Variants in RFFL observed in about 807,000 individuals in gnomAD.
The protein encoded by RFFL is E3 ubiquitin-protein ligase rififylin.
A neutral mutation model predicts 40.4 loss-of-function variants in RFFL; 16 were observed. The ratio of observed to expected loss-of-function variants is 0.40; its 90% confidence interval spans 0.27 to 0.60. RFFL has a LOEUF of 0.60. RFFL is among the 20% of genes least tolerant of loss of function. The probability of loss-of-function intolerance (pLI) is 0.47; values close to 1 mark genes in which losing one functional copy is unlikely to be tolerated. For synonymous variants in RFFL, 154 were observed against 167.9 expected, an observed-to-expected ratio of 0.92 and a Z score of 0.64; for missense variants, 367 against 451.7, an observed-to-expected ratio of 0.81 and a Z score of 1.70.
At chr17:35,066,092 C>T (rs115526291), upstream of RFFL, among the ~76,000 whole-genome samples, 2,256 of 152,204 alleles carry the variant, frequency 0.015, 71 homozygotes, top group African/African-American at 0.052. Context: ...CACTGCAATC[C>T]AGCCCAGGCG....
Position 35,026,515 on chromosome 17 carries a change from T to C in RFFL, c.39A>G (p.Gly13=). The C allele has an allele frequency of 1.9e-6, 3 of 1,611,568 alleles. No homozygotes were observed. The highest frequency in any genetic ancestry group is 2.5e-6 in the Non-Finnish European group (3 of 1,179,230). ...ATCCNWFCLD[G]QPEEVPPPQG... ...GGGGTGGTGGGACCTCCTCAGGCTG[T>C]CCATCCAGGCAGAACCAGTTGCAGC... is the stretch of plus-strand genomic sequence containing the variant. The change falls in exon 2 of 7, where the codon GGA becomes GGG. Residue 13 remains glycine, a synonymous_variant. Coordinates refer to ENST00000394597, the MANE Select transcript of RFFL (RefSeq NM_001017368.2).
intron 1 of RFFL, among the ~76,000 whole-genome samples, chr17:35,078,767 G>C (rs1367631284): frequency 6.6e-6 from 1 of 152,068 alleles, no homozygotes; most frequent in Non-Finnish European, 1.5e-5. Context: ...ATCGCTTTAG[G>C]TCAGGAGTTC....
chr17:35,040,856 T>C (rs1489588738), intron 1 of RFFL, among the ~76,000 whole-genome samples: 2 of 71,276 alleles, frequency 2.8e-5, no homozygotes, highest in East Asian at 7.4e-4. Context: ...TTTTTTTTTT[T>C]TTTTTTTTGG....
chr17:35,012,328 T>C (rs2090946229), intron 6 of RFFL, among the ~76,000 whole-genome samples, 179 bp from the exon 7 acceptor site: 1 of 152,210 alleles, frequency 6.6e-6, no homozygotes, highest in Non-Finnish European at 1.5e-5. Flanking sequence ...AATAACCAAC[T>C]CTGGTTACTT....
intron 1 of RFFL, among the ~76,000 whole-genome samples, chr17:35,040,841 C>CTAT (rs1452137424): frequency 1.6e-5 from 1 of 62,392 alleles, no homozygotes; most frequent in Non-Finnish European, 3.3e-5. Flanking sequence ...GCTTTAATGT[C>CTAT]TTTTTTTTTT....
At chr17:35,038,847 G>T (rs561829495) in intron 1 of RFFL, among the ~76,000 whole-genome samples, 1 of 152,130 alleles carries the variant, frequency 6.6e-6, no homozygotes, top group Non-Finnish European at 1.5e-5. Context: ...AAAATTCATC[G>T]AACTGTACAC....
At chr17:35,041,811 G>A (rs1346591895) in intron 1 of RFFL, among the ~76,000 whole-genome samples, 1 of 152,150 alleles carries the variant, frequency 6.6e-6, no homozygotes, top group Non-Finnish European at 1.5e-5. Flanking sequence ...GAGGTCAGGA[G>A]TTCAAGACCA....
At chr17:35,078,590 C>T (rs1405292501) in intron 1 of RFFL, among the ~76,000 whole-genome samples, 2 of 152,186 alleles carry the variant, frequency 1.3e-5, no homozygotes, top group African/African-American at 2.4e-5. Context: ...GCATGAGCCA[C>T]CAGGCCCGGC....
chr17:35,086,403 A>T (rs1318852079), intron 1 of RFFL, among the ~76,000 whole-genome samples: 1 of 151,970 alleles, frequency 6.6e-6, no homozygotes, highest in Non-Finnish European at 1.5e-5. Context: ...GCGTGAGCCC[A>T]GGAGGCAAGG....
Position 35,017,555 on chromosome 17 carries a change from C to T in RFFL, c.643G>A (p.Val215Met), listed in dbSNP as rs777354380. The change falls in exon 4 of 7, where the codon GTG (valine) becomes ATG (methionine). Residue 215 changes from valine (V) to methionine (M), a missense_variant. Val to Met is a conservative substitution (Grantham distance 21). Transcript: ENST00000394597. Reference protein sequence around the residue: ...DQEEPVYLESVARVPAEDETQ... With the variant: ...DQEEPVYLESMARVPAEDETQ... ...TCATCCTCAGCAGGTACTCTGGCCACGCTCTCCAGGTAGACGGGTTCCTCT... is the reference window on the plus strand; with the variant it reads ...TCATCCTCAGCAGGTACTCTGGCCATGCTCTCCAGGTAGACGGGTTCCTCT... 1.1e-5 allele frequency: 17 copies of T among 1,611,502 alleles called. No homozygotes were observed. Among genetic ancestry groups the T allele is most frequent in the Admixed American group, 3.3e-5 (2 of 59,738 alleles).
chr17:35,086,870 C>G (rs1356485069), intron 1 of RFFL, among the ~76,000 whole-genome samples: 1 of 152,116 alleles, frequency 6.6e-6, no homozygotes, highest in African/African-American at 2.4e-5. Context: ...GGAATTAGTC[C>G]CCCTAACAAC....
chr17:35,006,975 A>G lies in RFFL; in HGVS notation c.*4993T>C, dbSNP rs1188509595. On this transcript the variant is annotated 3_prime_UTR_variant, in exon 7 of 7. Transcript: ENST00000394597. ...AGGCACCATTCAGCCTTGCTTCAGT[A>G]TTAGGAATAAGATACTTTTTATTCC... The G allele has an allele frequency of 2.0e-5, 3 of 152,264 alleles. No individual in the cohort carries two copies. Among genetic ancestry groups the G allele is most frequent in the African/African-American group, 7.2e-5 (3 of 41,462 alleles). 9.4% of individuals were successfully genotyped at this position (152,264 alleles called of 1,614,324 possible).
chr17:35,082,813 T>A (rs1455606322), intron 1 of RFFL, among the ~76,000 whole-genome samples: 1 of 152,226 alleles, frequency 6.6e-6, no homozygotes, highest in Non-Finnish European at 1.5e-5. Context: ...GGTATTTTCA[T>A]CTTGCAGATG....
chr17:35,011,985 G>A lies in RFFL; in HGVS notation c.1075C>T (p.His359Tyr). The change falls in exon 7 of 7, where the codon CAT (histidine) becomes TAT (tyrosine). Residue 359 changes from histidine to tyrosine, a missense_variant. Physicochemically the swap from His to Tyr is moderately conservative, Grantham distance 83. Coordinates refer to ENST00000394597, the MANE Select transcript of RFFL (RefSeq NM_001017368.2). ...GCAAGCTCTCAGGACCGGAAGACAT[G>A]CACAGCTCGGATTACATACTGCCGG... ...ICRQYVIRAVHVFRS is the reference protein window; with the variant it reads ...ICRQYVIRAVYVFRS 6.2e-7 allele frequency: 1 copy of A among 1,614,144 alleles called. No individual in the cohort carries two copies. The highest frequency in any genetic ancestry group is 8.5e-7 in the Non-Finnish European group (1 of 1,179,998).
At chr17:35,018,429 C>A (rs997430917) in intron 3 of RFFL, among the ~76,000 whole-genome samples, 12 of 152,204 alleles carry the variant, frequency 7.9e-5, no homozygotes, top group African/African-American at 2.9e-4. Context: ...AACTGTTAGC[C>A]TCCTAATTCC....
In RFFL at chr17:35,056,447, G is replaced by A. The variant is rs566138483; in HGVS notation, c.-9+7129C>T. Among the ~76,000 whole-genome samples, 5 of 143,024 alleles carry A rather than the reference G, an allele frequency of 3.5e-5. No homozygotes were observed. The East Asian group carries it at 6.0e-4, about 17-fold the overall frequency. 93.8% of individuals were successfully genotyped at this position (143,024 alleles called of 152,430 possible). ...GGCTGGAATGCAGTGGCATGATCTC[G>A]GCTCACCACAACCTCCGCCTCCTGG... On this transcript the variant is annotated intron_variant, in intron 1 of 6. Transcript: ENST00000394597.
Position 35,006,392 on chromosome 17 carries a change from A to G in RFFL, c.*5576T>C, listed in dbSNP as rs2090895450. ...ACGGAGTTCAGATCAGACTCCTGAA[A>G]CTTAATGGCTCTAACCTTAGGCAAG... On this transcript the variant is annotated 3_prime_UTR_variant, in exon 7 of 7. Transcript: ENST00000394597. 6.6e-6 allele frequency: 1 copy of G among 152,366 alleles called. No homozygotes were observed. The allele number at this position is 152,366 out of a possible 1,614,324, so 9.4% of individuals were successfully genotyped here.
chr17:35,083,232 T>C (rs2091410989), intron 1 of RFFL, among the ~76,000 whole-genome samples: 2 of 152,206 alleles, frequency 1.3e-5, no homozygotes, highest in South Asian at 4.1e-4. Flanking sequence ...TATCATTCAT[T>C]TGTCCACTCA....
chr17:35,084,338 G>A (rs1405301461), intron 1 of RFFL, among the ~76,000 whole-genome samples: 5 of 151,956 alleles, frequency 3.3e-5, no homozygotes, highest in African/African-American at 1.2e-4. Context: ...GCTCACACCT[G>A]TAATCCCAAC....
Sources: allele counts gnomAD v4.1 joint callset (sites outside exome capture counted in the v4.1 genomes callset), GRCh38; gene constraint gnomAD v4.1.1; transcripts MANE v1.5; gene names NCBI Gene and HGNC (gene_info 2026-07-23, HGNC 2026-07-21).